Variants in H4C15 observed in about 807,000 individuals in gnomAD.
H4C15 encodes histone H4.
chr1:149,850,241 G>A (rs2092169609), downstream of H4C15: 2 of 1,070,148 alleles, frequency 1.9e-6, no homozygotes. Context: ...CAGACGTGAA[G>A]CCAAAAACAT....
At chr1:149,845,008 T>G in the H4C15 span, 14 of 152,372 alleles carry the variant, frequency 9.2e-5, no homozygotes, top group Non-Finnish European at 1.8e-4. Context: ...AACAGCCACC[T>G]GCATGGCGTT....
At chr1:149,855,622 C>G (rs1479584603), downstream of H4C15, among the ~76,000 whole-genome samples, 1 of 90,822 alleles carries the variant, frequency 1.1e-5, no homozygotes, top group Non-Finnish European at 2.3e-5. Flanking sequence ...ATCTTCTTTT[C>G]TCCCTGCAAC....
downstream of H4C15, chr1:149,850,509 T>C (rs2092172897): frequency 1.2e-6 from 1 of 830,458 alleles, no homozygotes; most frequent in African/African-American, 1.8e-5. Context: ...GACGTGATGG[T>C]GGAGCGCTTG....
chr1:149,847,822 A>C, the H4C15 span: 1 of 152,290 alleles, frequency 6.6e-6, no homozygotes, highest in South Asian at 2.1e-4. Flanking sequence ...GAAAGTAAAA[A>C]AACATGGAGA....
At chr1:149,849,478 G>T (rs587595381), downstream of H4C15, among the ~76,000 whole-genome samples, 1 of 152,262 alleles carries the variant, frequency 6.6e-6, no homozygotes, top group South Asian at 2.1e-4. Context: ...ATATTTTGAG[G>T]TTAATGAGGC....
downstream of H4C15, chr1:149,850,409 G>T (rs781928965): frequency 8.9e-7 from 1 of 1,123,268 alleles, no homozygotes; most frequent in East Asian, 2.6e-5. Flanking sequence ...TGGAGCTGGC[G>T]TACTTGGTGA....
chr1:149,848,575 AGTT>A, the H4C15 span: 1 of 152,236 alleles, frequency 6.6e-6, no homozygotes, highest in African/African-American at 2.4e-5. Flanking sequence ...CTGCTGAGTT[AGTT>A]GTTACTCAGT....
chr1:149,848,223 G>A, the H4C15 span: 3 of 152,154 alleles, frequency 2.0e-5, no homozygotes, highest in Non-Finnish European at 4.4e-5. Context: ...TGTAATTGGA[G>A]CAACTCTGTC....
the H4C15 span, chr1:149,848,183 G>A: frequency 6.6e-6 from 1 of 152,114 alleles, no homozygotes; most frequent in African/African-American, 2.4e-5. Context: ...CCTTAGTCAA[G>A]TATTAACATT....
downstream of H4C15, chr1:149,850,173 C>A: frequency 1.5e-6 from 1 of 649,268 alleles, no homozygotes; most frequent in Admixed American, 2.5e-5. Context: ...ATAGCAATGC[C>A]TATGTGAAAA....
At chr1:149,849,729 CAGA>C (rs1449923114), downstream of H4C15, among the ~76,000 whole-genome samples, 9 of 152,174 alleles carry the variant, frequency 5.9e-5, no homozygotes, top group Admixed American at 3.9e-4. Flanking sequence ...CTAGAAAGCG[CAGA>C]AGGTTATCGG....
At chr1:149,844,943 CAGAA>C in the H4C15 span, 10 of 152,204 alleles carry the variant, frequency 6.6e-5, no homozygotes, top group African/African-American at 1.4e-4. Context: ...AGGGGTGAGA[CAGAA>C]AGACAACAGG....
At chr1:149,849,425 T>C (rs1349872402), downstream of H4C15, among the ~76,000 whole-genome samples, 8 of 152,178 alleles carry the variant, frequency 5.3e-5, no homozygotes, top group African/African-American at 1.9e-4. Flanking sequence ...TCGCTTCTAT[T>C]GTGGCCAGCC....
chr1:149,847,636 T>C, the H4C15 span: 1 of 152,090 alleles, frequency 6.6e-6, no homozygotes, highest in South Asian at 2.1e-4. Flanking sequence ...TGAAACTCCA[T>C]CTCTACCAAA....
At chr1:149,850,381 T>C (rs1354458516), downstream of H4C15, 1 of 742,784 alleles carries the variant, frequency 1.3e-6, no homozygotes, top group African/African-American at 1.8e-5. Context: ...GAGCGCCAGG[T>C]CCCGGCAGGG....
downstream of H4C15, chr1:149,850,678 G>C: frequency 2.5e-6 from 1 of 407,230 alleles, no homozygotes; most frequent in South Asian, 2.2e-5. Context: ...CCTTGCGGCT[G>C]CGCTTGCGCT....
the H4C15 span, chr1:149,847,068 G>C: frequency 2.0e-5 from 3 of 152,114 alleles, no homozygotes; most frequent in Non-Finnish European, 4.4e-5. Context: ...GTTTATTTCT[G>C]GTTTATGGTC....
downstream of H4C15, chr1:149,849,073 C>G (rs1380156228): frequency 6.6e-6 from 1 of 152,160 alleles, no homozygotes; most frequent in African/African-American, 2.4e-5. Flanking sequence ...GTGTTCTATC[C>G]TAATAGTACC....
the H4C15 span, chr1:149,847,926 C>T: frequency 2.0e-5 from 3 of 152,098 alleles, no homozygotes; most frequent in Non-Finnish European, 4.4e-5. Flanking sequence ...AGGAGTCTTC[C>T]CCTAGTGGGT....
Sources: allele counts gnomAD v4.1 joint callset (sites outside exome capture counted in the v4.1 genomes callset), GRCh38; gene constraint gnomAD v4.1.1; transcripts MANE v1.5; gene names NCBI Gene and HGNC (gene_info 2026-07-23, HGNC 2026-07-21).